The following FHIT variants were observed in gnomAD, a reference collection of about 807,000 sequenced individuals.
FHIT encodes bis(5'-adenosyl)-triphosphatase.
In FHIT, 19 loss-of-function variants were observed where a neutral mutation model predicts 17.9. That is an observed-to-expected ratio of 1.06 (90% CI 0.74 to 1.56). The LOEUF is 1.56. FHIT is among the 40% of genes most tolerant of loss of function. The pLI is 0.00. For synonymous variants in FHIT, 81 were observed against 69.7 expected, an observed-to-expected ratio of 1.16 and a Z score of -0.81; for missense variants, 248 against 189.2, an observed-to-expected ratio of 1.31 and a Z score of -1.82.
At chr3:59,948,941 G>T (rs760341047) in intron 7 of FHIT, among the ~76,000 whole-genome samples, 3 of 151,914 alleles carry the variant, frequency 2.0e-5, no homozygotes, top group Admixed American at 6.6e-5. Context: ...CTGAGTAAAG[G>T]TAACTACTGT....
At chr3:59,841,492 C>A (rs1056932599) in intron 8 of FHIT, among the ~76,000 whole-genome samples, 1 of 152,164 alleles carries the variant, frequency 6.6e-6, no homozygotes, top group African/African-American at 2.4e-5. Flanking sequence ...CCATTCATCA[C>A]GGAACAATCC....
chr3:60,094,545 G>C (rs1257144508), intron 5 of FHIT, among the ~76,000 whole-genome samples: 1 of 152,172 alleles, frequency 6.6e-6, no homozygotes, highest in African/African-American at 2.4e-5. Flanking sequence ...TTCCTATTCT[G>C]AGACAACCTA....
intron 8 of FHIT, among the ~76,000 whole-genome samples, chr3:59,759,156 A>G (rs1431101709): frequency 6.6e-6 from 1 of 151,920 alleles, no homozygotes; most frequent in African/African-American, 2.4e-5. Context: ...CAGACCTTCA[A>G]GGAAGTGTGG....
At chr3:61,218,129 T>C (rs568796032) in intron 1 of FHIT, among the ~76,000 whole-genome samples, 19 of 152,256 alleles carry the variant, frequency 1.2e-4, no homozygotes, top group African/African-American at 4.6e-4. Context: ...AAGTAGGAAG[T>C]AACTGCAGTT....
At chr3:60,522,778 G>T (rs911544972) in intron 5 of FHIT, among the ~76,000 whole-genome samples, 3 of 152,110 alleles carry the variant, frequency 2.0e-5, no homozygotes, top group Non-Finnish European at 2.9e-5. Flanking sequence ...TGAACAATCA[G>T]CCTATTTTTA....
chr3:61,234,919 G>T (rs1187056026), intron 1 of FHIT, among the ~76,000 whole-genome samples: 1 of 152,156 alleles, frequency 6.6e-6, no homozygotes, highest in African/African-American at 2.4e-5. Context: ...AAATAAATTT[G>T]CATTGTATAA....
intron 7 of FHIT, among the ~76,000 whole-genome samples, chr3:59,990,730 G>C (rs1709189555): frequency 6.6e-6 from 1 of 151,882 alleles, no homozygotes; most frequent in African/African-American, 2.4e-5. Context: ...AACCACTTGG[G>C]GAAAAACAAT....
intron 1 of FHIT, among the ~76,000 whole-genome samples, chr3:61,207,765 A>G (rs1161681618): frequency 6.6e-6 from 1 of 152,044 alleles, no homozygotes; most frequent in African/African-American, 2.4e-5. Context: ...TTTTCAAAAA[A>G]CCAGCTCCTG....
At chr3:60,037,316 G>C (rs1047150939) in intron 5 of FHIT, among the ~76,000 whole-genome samples, 5 of 151,672 alleles carry the variant, frequency 3.3e-5, no homozygotes, top group African/African-American at 4.8e-5. Flanking sequence ...ATAGGCACTA[G>C]GAAGTCTCAC....
intron 5 of FHIT, among the ~76,000 whole-genome samples, chr3:60,190,671 G>A (rs1225453914): frequency 2.0e-5 from 3 of 151,950 alleles, no homozygotes; most frequent in African/African-American, 4.8e-5. Context: ...GCTAAATGAC[G>A]AGTTAATGGG....
chr3:60,607,598 G>T (rs916685565), intron 4 of FHIT, among the ~76,000 whole-genome samples: 1 of 151,912 alleles, frequency 6.6e-6, no homozygotes, highest in East Asian at 1.9e-4. Flanking sequence ...CACGTTTCTA[G>T]TATCACAATT....
chr3:60,348,618 C>T (rs1224740318), intron 5 of FHIT, among the ~76,000 whole-genome samples: 2 of 148,176 alleles, frequency 1.3e-5, no homozygotes, highest in African/African-American at 5.3e-5. Flanking sequence ...GGCAATAAGT[C>T]ACAGGCACCT....
At chr3:60,031,645 C>A (rs1041568525) in intron 5 of FHIT, among the ~76,000 whole-genome samples, 2 of 152,158 alleles carry the variant, frequency 1.3e-5, no homozygotes, top group African/African-American at 4.8e-5. Context: ...TCAAAGAATT[C>A]TAGCATTAAA....
At chr3:60,889,189 C>T (rs904268749) in intron 3 of FHIT, among the ~76,000 whole-genome samples, 12 of 152,002 alleles carry the variant, frequency 7.9e-5, no homozygotes, top group African/African-American at 2.9e-4. Flanking sequence ...AAGCACTCAC[C>T]CCCTCACTCT....
rs573980241 is a variant in FHIT, at chr3:60,491,714, C to T, written c.103+45146G>A. On this transcript the variant is annotated intron_variant, in intron 5 of 9. Transcript: ENST00000492590. ...AATCATTTTTAGCCATGGATTTAAA[C>T]GCATTTCATTTTATAACCATCAGCT... Among the ~76,000 whole-genome samples, 174 of 152,246 alleles carry T rather than the reference C, an allele frequency of 1.1e-3. 2 individuals are homozygous for T. In the Middle Eastern group the frequency reaches 0.034, roughly 30 times the overall value.
At chr3:60,087,827 G>GT (rs1412638972) in intron 5 of FHIT, among the ~76,000 whole-genome samples, 1 of 152,074 alleles carries the variant, frequency 6.6e-6, no homozygotes, top group African/African-American at 2.4e-5. Context: ...ACTTTCCCTT[G>GT]TCTTTTTTTC....
intron 5 of FHIT, among the ~76,000 whole-genome samples, chr3:60,198,788 G>C (rs770081877): frequency 1.3e-5 from 2 of 152,066 alleles, no homozygotes; most frequent in Non-Finnish European, 2.9e-5. Flanking sequence ...CTTCATATTT[G>C]AATGGAATAA....
At chr3:60,832,883 T>G (rs1251848393) in intron 3 of FHIT, among the ~76,000 whole-genome samples, 3 of 152,054 alleles carry the variant, frequency 2.0e-5, no homozygotes, top group African/African-American at 7.2e-5. Flanking sequence ...AAATTCAGAG[T>G]GTACTTTACA....
intron 4 of FHIT, among the ~76,000 whole-genome samples, chr3:60,766,590 C>T (rs1699862986): frequency 6.6e-6 from 1 of 152,128 alleles, no homozygotes. Flanking sequence ...CAGATTTTGT[C>T]TCTAAGAATT....
Sources: allele counts gnomAD v4.1 joint callset (sites outside exome capture counted in the v4.1 genomes callset), GRCh38; gene constraint gnomAD v4.1.1; transcripts MANE v1.5; gene names NCBI Gene and HGNC (gene_info 2026-07-23, HGNC 2026-07-21).